PEX5L: variants seen among roughly 807,000 people sequenced by gnomAD.
PEX5L encodes peroxisomal biogenesis factor 5 like, also known as PEX5-related protein.
Under a neutral mutation model 84.0 loss-of-function variants are expected in PEX5L, and 30 were observed. The ratio of observed to expected loss-of-function variants is 0.36; its 90% CI spans 0.27 to 0.48. The LOEUF (loss-of-function observed/expected upper bound fraction) is 0.48, where lower values mean the gene tolerates loss of function less well. Among genes scored for constraint, PEX5L ranks in the 20% least tolerant of loss-of-function variants. PEX5L has a pLI of 0.99. For missense variants in PEX5L, 533 were observed against 754.6 expected (o/e 0.71, Z 3.44); for synonymous variants, 270 against 283.1 (o/e 0.95, Z 0.46).
At chr3:179,900,874 G>A (rs1761085186) in intron 2 of PEX5L, 3 of 611,786 alleles carry the variant, frequency 4.9e-6, no homozygotes, top group Non-Finnish European at 2.9e-6. Context: ...GAATGGGAAG[G>A]TCTGCCACAA....
intron 3 of PEX5L, chr3:179,895,676 C>A (rs954728893): frequency 9.9e-5 from 15 of 152,126 alleles, no homozygotes; most frequent in African/African-American, 3.6e-4. Context: ...TGGCTTAATT[C>A]CTCTAAAAGT....
In PEX5L at chr3:180,036,915, C is replaced by T. The variant is rs917367136; in HGVS notation, c.-316G>A. 7 of 407,578 alleles carry T rather than the reference C, an allele frequency of 1.7e-5. No individual in the cohort carries two copies. The highest frequency in any genetic ancestry group is 2.3e-5 in the Non-Finnish European group (5 of 218,362). 25.2% of individuals were successfully genotyped at this position (407,578 alleles called of 1,614,324 possible). ...GCGTCTCTAGAACTCACTCCTTCTT[C>T]GCCGAACTCTTTCTCGCTTCCTGCC... On this transcript the variant is annotated 5_prime_UTR_variant, in exon 1 of 15. Coordinates refer to ENST00000467460, the MANE Select transcript of PEX5L (RefSeq NM_016559.3).
At chr3:179,997,944 A>AAG (rs1239832884) in intron 1 of PEX5L, among the ~76,000 whole-genome samples, 1 of 152,212 alleles carries the variant, frequency 6.6e-6, no homozygotes, top group Non-Finnish European at 1.5e-5. Context: ...ATCTTATTCA[A>AAG]AGAGACATTG....
In PEX5L at chr3:179,797,664, C is replaced by T. The variant is rs1334702206; in HGVS notation, c.*4164G>A. The T allele has an allele frequency of 1.4e-5, 2 of 144,360 alleles. No homozygotes were observed. The highest frequency in any genetic ancestry group is 4.4e-4 in the South Asian group (2 of 4,546). 8.9% of individuals were successfully genotyped at this position (144,360 alleles called of 1,614,324 possible). A position where few individuals can be genotyped will look rare whatever the true frequency, so the allele number is the denominator to read the frequency against. ...TTAGTTCAAAACAGTTTAATTTCAA[C>T]CAGTTCTATAACTATTGAGATGATG... On this transcript the variant is annotated 3_prime_UTR_variant, in exon 15 of 15. Coordinates refer to ENST00000467460, the MANE Select transcript of PEX5L (RefSeq NM_016559.3).
At chr3:179,810,393 T>C (rs1390628291) in intron 11 of PEX5L, among the ~76,000 whole-genome samples, 1 of 152,110 alleles carries the variant, frequency 6.6e-6, no homozygotes, top group Non-Finnish European at 1.5e-5. Context: ...TTTACAGTCT[T>C]TTGCAAAGGA....
intron 8 of PEX5L, among the ~76,000 whole-genome samples, chr3:179,847,658 G>T (rs1474701953): frequency 6.6e-6 from 1 of 152,126 alleles, no homozygotes; most frequent in Admixed American, 6.5e-5. Context: ...AGTCAGAAAA[G>T]AATATTTAGT....
intron 8 of PEX5L, among the ~76,000 whole-genome samples, chr3:179,846,960 C>T (rs949991044): frequency 4.6e-5 from 7 of 151,832 alleles, no homozygotes; most frequent in Non-Finnish European, 7.4e-5. Context: ...ATTGTGTGAG[C>T]CAATTCCTGA....
intron 1 of PEX5L, among the ~76,000 whole-genome samples, chr3:180,017,245 G>A (rs1436847233): frequency 6.6e-6 from 1 of 152,088 alleles, no homozygotes; most frequent in East Asian, 1.9e-4. Context: ...ATCCCCAGAC[G>A]GAAATATCTT....
At chr3:179,828,965 G>T (rs1247066251) in intron 8 of PEX5L, among the ~76,000 whole-genome samples, 1 of 152,166 alleles carries the variant, frequency 6.6e-6, no homozygotes, top group Non-Finnish European at 1.5e-5. Context: ...ATGAAACCCA[G>T]AATGTGGAGA....
chr3:179,925,829 A>C (rs1339606175), intron 2 of PEX5L, among the ~76,000 whole-genome samples: 3 of 152,196 alleles, frequency 2.0e-5, no homozygotes, highest in Non-Finnish European at 2.9e-5. Flanking sequence ...TCTTATTCAC[A>C]TACTTAATAT....
At chr3:180,019,771 C>G (rs989405745) in intron 1 of PEX5L, among the ~76,000 whole-genome samples, 2 of 152,062 alleles carry the variant, frequency 1.3e-5, no homozygotes, top group African/African-American at 4.8e-5. Context: ...ATATGATCAC[C>G]TTATTGTAGA....
chr3:179,878,814 G>A (rs1230351550), intron 5 of PEX5L, among the ~76,000 whole-genome samples: 1 of 152,114 alleles, frequency 6.6e-6, no homozygotes, highest in East Asian at 1.9e-4. Flanking sequence ...GCTACATATA[G>A]TTAATATTTT....
intron 1 of PEX5L, among the ~76,000 whole-genome samples, chr3:179,988,330 G>A (rs1787049844): frequency 1.3e-5 from 2 of 151,736 alleles, no homozygotes; most frequent in Non-Finnish European, 2.9e-5. Context: ...GAACCCGGGA[G>A]GCAGAGGTTG....
intron 8 of PEX5L, among the ~76,000 whole-genome samples, chr3:179,828,523 T>C (rs1731391377): frequency 6.6e-6 from 1 of 152,144 alleles, no homozygotes; most frequent in Admixed American, 6.6e-5. Flanking sequence ...CCAACTGAGT[T>C]TGCAATTTCT....
At chr3:179,923,359 T>A (rs1363027569) in intron 2 of PEX5L, among the ~76,000 whole-genome samples, 1 of 149,040 alleles carries the variant, frequency 6.7e-6, no homozygotes, top group African/African-American at 2.5e-5. Flanking sequence ...AGAATTGGCA[T>A]AAATATTTAT....
intron 5 of PEX5L, 143 bp downstream of exon 5, chr3:179,879,786 A>C: frequency 1.9e-6 from 1 of 513,886 alleles, no homozygotes; most frequent in Non-Finnish European, 3.4e-6. Flanking sequence ...AGCTCAAAAG[A>C]AGCTATGTCC....
At chr3:179,920,915 T>C (rs1341731654) in intron 2 of PEX5L, among the ~76,000 whole-genome samples, 2 of 152,166 alleles carry the variant, frequency 1.3e-5, no homozygotes, top group Non-Finnish European at 2.9e-5. Flanking sequence ...CACAGTATAA[T>C]ATATACACAG....
intron 5 of PEX5L, among the ~76,000 whole-genome samples, chr3:179,876,844 AT>A (rs35130517): frequency 0.15 from 23,046 of 152,062 alleles, 1,859 homozygotes; most frequent in South Asian, 0.31. Context: ...ATTATTCCTT[AT>A]GCAAAATGCT....
chr3:179,983,708 G>T (rs1220483061), intron 1 of PEX5L, among the ~76,000 whole-genome samples: 1 of 151,904 alleles, frequency 6.6e-6, no homozygotes. Flanking sequence ...ATTAATGAAA[G>T]AAGTCATTAA....
Sources: gnomAD v4.1 joint callset for allele counts (sites outside exome capture counted in the v4.1 genomes callset) on GRCh38, gnomAD v4.1.1 for gene constraint, MANE v1.5 for transcripts, NCBI Gene and HGNC (gene_info 2026-07-23, HGNC 2026-07-21) for gene names.